The following SNRNP35 variants were observed in gnomAD, a reference collection of about 807,000 sequenced individuals.
SNRNP35 encodes the protein U11/U12 small nuclear ribonucleoprotein 35 kDa protein.
A neutral mutation model predicts 24.3 loss-of-function variants in SNRNP35; 16 were observed. The ratio of observed to expected loss-of-function variants is 0.66; its 90% CI spans 0.45 to 1.00. SNRNP35 has a LOEUF of 1.00. SNRNP35 is among the 50% of genes least tolerant of loss of function. The probability of loss-of-function intolerance (pLI) is 0.00; values close to 1 mark genes in which losing one functional copy is unlikely to be tolerated. For synonymous variants in SNRNP35, 106 were observed against 124.8 expected, an observed-to-expected ratio of 0.85 and a Z score of 1.00; for missense variants, 292 against 327.2, an observed-to-expected ratio of 0.89 and a Z score of 0.83.
At chr12:123,460,843 A>G (rs1880573833) in intron 1 of SNRNP35, among the ~76,000 whole-genome samples, 1 of 151,442 alleles carries the variant, frequency 6.6e-6, no homozygotes, top group Non-Finnish European at 1.5e-5. Flanking sequence ...TTTTCAATAG[A>G]GACGGGGTTA....
chr12:123,466,559 T>TC lies in SNRNP35; in HGVS notation c.*278_*279insC, dbSNP rs1213130646. 4 of 265,290 alleles carry TC rather than the reference T, an allele frequency of 1.5e-5. No individual in the cohort carries two copies. The highest frequency in any genetic ancestry group is 2.8e-5 in the Non-Finnish European group (4 of 141,882). The allele number at this position is 265,290 out of a possible 1,614,324, so 16.4% of individuals were successfully genotyped here. A position where few individuals can be genotyped will look rare whatever the true frequency, so the allele number is the denominator to read the frequency against. ...GGCATTTTCTTTTCTTTTCTTTTTTTTTTTTTTGAGACAGAGTCTCACTCT... is the reference window on the plus strand; with the variant it reads ...GGCATTTTCTTTTCTTTTCTTTTTTTCTTTTTTTGAGACAGAGTCTCACTCT... On this transcript the variant is annotated 3_prime_UTR_variant, in exon 2 of 2. Coordinates refer to ENST00000526639, the MANE Select transcript of SNRNP35 (RefSeq NM_022717.4).
rs572422521 is a variant in SNRNP35, at chr12:123,466,097, G to A, written c.557G>A (p.Arg186Gln). 1.5e-5 allele frequency: 24 copies of A among 1,612,440 alleles called. No homozygotes were observed. In the African/African-American group the frequency reaches 1.9e-4, roughly 13 times the overall value. The change falls in exon 2 of 2, where the codon CGA becomes CAA. Residue 186 changes from arginine to glutamine, a missense_variant. By Grantham distance (43) the Arg-to-Gln change is conservative. Transcript: ENST00000526639. Reference sequence around the variant, plus strand: ...GAGGGAAAACGGGAAAGGCGGGAGCGATCTCGATCCCGAGAAAGACACTGG... The same window carrying A: ...GAGGGAAAACGGGAAAGGCGGGAGCAATCTCGATCCCGAGAAAGACACTGG... The part of the protein sequence containing the change: ...YREGKRERRE[R>Q]SRSRERHWDS...
chr12:123,466,127 C>A lies in SNRNP35; in HGVS notation c.587C>A (p.Ser196Ter). 6.2e-7 allele frequency: 1 copy of A among 1,611,830 alleles called. No individual in the cohort carries two copies. The highest frequency in any genetic ancestry group is 1.1e-5 in the South Asian group (1 of 90,828). ...CGATCCCGAGAAAGACACTGGGACT[C>A]GAGGACAAGGGATCGAGACCATGAC... ...RSRSRERHWD[S>*]RTRDRDHDRG... The change falls in exon 2 of 2, where the codon TCG becomes TAG. Residue 196 changes from serine (S) to a stop codon, truncating the protein, a stop_gained. Transcript: ENST00000526639. LOFTEE classifies it high-confidence loss of function.
intron 1 of SNRNP35, among the ~76,000 whole-genome samples, chr12:123,463,891 G>A (rs1337784567): frequency 6.7e-6 from 1 of 148,924 alleles, no homozygotes; most frequent in Non-Finnish European, 1.5e-5. Flanking sequence ...AACCTCCTGA[G>A]TAGCTGGGAT....
downstream of SNRNP35, chr12:123,469,980 C>T (rs1193852328): frequency 3.3e-5 from 5 of 150,448 alleles, no homozygotes; most frequent in East Asian, 6.0e-4. Flanking sequence ...TGGGACCAGC[C>T]TTGGTGACAT....
intron 1 of SNRNP35, chr12:123,464,762 A>G (rs1880849893): frequency 6.6e-6 from 1 of 152,212 alleles, no homozygotes; most frequent in South Asian, 2.1e-4. Context: ...GTCTAAACGG[A>G]TTATCAGCTA....
Position 123,465,953 on chromosome 12 carries a change from G to A in SNRNP35, c.413G>A (p.Arg138Gln), listed in dbSNP as rs745945301. 6 of 1,613,848 alleles carry A rather than the reference G, an allele frequency of 3.7e-6. No individual in the cohort carries two copies. Among genetic ancestry groups the A allele is most frequent in the African/African-American group, 2.7e-5 (2 of 74,872 alleles). The change falls in exon 2 of 2, where the codon CGG becomes CAG. Residue 138 changes from arginine (R) to glutamine (Q), a missense_variant. Transcript: ENST00000526639. This position sits in a 1 kb window ranked among gnomAD's most constrained non-coding sequence, Gnocchi z 4.2. ...AGGACTCTCAAAGGGTGGATCCCTC[G>A]GCGACTTGGAGGCGGTCTTGGGGGA... Reference protein sequence around the residue: ...LERTLKGWIPRRLGGGLGGKK... With the variant: ...LERTLKGWIPQRLGGGLGGKK...
intron 1 of SNRNP35, chr12:123,459,834 T>G (rs1880503475): frequency 1.9e-6 from 3 of 1,579,150 alleles, no homozygotes; most frequent in African/African-American, 1.3e-5. Context: ...TTGTAGGAAA[T>G]CTCAACCTAA....
At chr12:123,472,418 G>A in exon 2 of SNRNP35, 2 of 1,056,004 alleles carry the variant, frequency 1.9e-6, no homozygotes, top group Non-Finnish European at 2.7e-6. Flanking sequence ...TGTTTGAGGG[G>A]TCAGTTTTCA....
chr12:123,460,437 A>G (rs894090621), intron 1 of SNRNP35, among the ~76,000 whole-genome samples: 3 of 151,606 alleles, frequency 2.0e-5, no homozygotes, highest in African/African-American at 7.3e-5. Context: ...TATAGTACCT[A>G]AGTCCTGGTA....
At chr12:123,458,247 C>T (rs1323028561) in intron 1 of SNRNP35, 31 bp downstream of exon 1, 6 of 985,064 alleles carry the variant, frequency 6.1e-6, no homozygotes, top group Non-Finnish European at 7.2e-6. Context: ...AGGAGCGGGC[C>T]CCACGCCGGA....
At chr12:123,460,014 TG>T (rs1452598929) in intron 1 of SNRNP35, 11 of 711,692 alleles carry the variant, frequency 1.5e-5, no homozygotes, top group Non-Finnish European at 2.3e-5. Context: ...ACAGGAGCTC[TG>T]TGTACAATAA....
chr12:123,465,546 C>T lies in SNRNP35; in HGVS notation c.6C>T (p.Asn2=), dbSNP rs780655797. The part of the protein sequence containing the change: M[N]DWMPIAKEYD... Reference sequence around the variant, plus strand: ...GCTCTTATCATTCATAGAACATGAACGATTGGATGCCCATCGCCAAGGAGT... The same window carrying T: ...GCTCTTATCATTCATAGAACATGAATGATTGGATGCCCATCGCCAAGGAGT... The change falls in exon 2 of 2, where the codon AAC becomes AAT. Residue 2 remains asparagine, a synonymous_variant. Transcript: ENST00000526639. This position sits in a 1 kb window ranked among gnomAD's most constrained non-coding sequence, Gnocchi z 4.2. 9 of 1,544,156 alleles carry T rather than the reference C, an allele frequency of 5.8e-6. No individual in the cohort carries two copies. In the South Asian group the frequency reaches 6.3e-5, roughly 11 times the overall value.
chr12:123,472,802 G>A, exon 2 of SNRNP35: 2 of 1,102,268 alleles, frequency 1.8e-6, no homozygotes, highest in Non-Finnish European at 2.6e-6. Context: ...AATTCAAGGT[G>A]TGAAAGACAA....
chr12:123,458,378 G>T (rs1263853982), intron 1 of SNRNP35, among the ~76,000 whole-genome samples, 162 bp downstream of exon 1: 4 of 151,954 alleles, frequency 2.6e-5, no homozygotes, highest in Non-Finnish European at 5.9e-5. Context: ...ACGAGAGCTG[G>T]ATTGGAAGGA....
At chr12:123,460,839 A>G (rs993872826) in intron 1 of SNRNP35, among the ~76,000 whole-genome samples, 5 of 151,454 alleles carry the variant, frequency 3.3e-5, no homozygotes, top group African/African-American at 9.7e-5. Flanking sequence ...TGTATTTTCA[A>G]TAGAGACGGG....
intron 1 of SNRNP35, 35 bp downstream of exon 1, chr12:123,458,251 C>G: frequency 8.1e-6 from 8 of 984,708 alleles, no homozygotes; most frequent in Non-Finnish European, 9.6e-6. Context: ...GCGGGCCCCA[C>G]GCCGGAGAGA....
chr12:123,461,963 G>A (rs972301626), intron 1 of SNRNP35, among the ~76,000 whole-genome samples: 54 of 152,110 alleles, frequency 3.6e-4, no homozygotes, highest in African/African-American at 1.3e-3. Context: ...CTCGTGATCC[G>A]CCTGCCTCGG....
chr12:123,467,344 A>T (rs1300798163), downstream of SNRNP35, among the ~76,000 whole-genome samples: 2 of 152,222 alleles, frequency 1.3e-5, no homozygotes, highest in African/African-American at 4.8e-5. Flanking sequence ...GCTGTGATCT[A>T]TGGCAGCCTT....
Sources: allele counts gnomAD v4.1 joint callset (sites outside exome capture counted in the v4.1 genomes callset), GRCh38; gene constraint gnomAD v4.1.1; non-coding constraint Gnocchi (gnomAD v3.1); transcripts MANE v1.5; gene names NCBI Gene and HGNC (gene_info 2026-07-23, HGNC 2026-07-21).